Variants in ZSWIM6 observed in about 807,000 individuals in gnomAD.
ZSWIM6 encodes zinc finger SWIM domain-containing protein 6.
ZSWIM6 carries 9 observed loss-of-function variants against 113.2 expected under a neutral mutation model. That is an observed-to-expected ratio of 0.08 (90% CI 0.05 to 0.14). The LOEUF (loss-of-function observed/expected upper bound fraction) is 0.14, where lower values mean the gene tolerates loss of function less well. ZSWIM6 is among the 10% of genes least tolerant of loss of function. The probability of loss-of-function intolerance (pLI) is 1.00; values close to 1 mark genes in which losing one functional copy is unlikely to be tolerated. For missense variants in ZSWIM6, 1,162 were observed against 1,552.2 expected, an observed-to-expected ratio of 0.75 and a Z score of 4.22; for synonymous variants, 611 against 606.5, an observed-to-expected ratio of 1.01 and a Z score of -0.11.
intron 1 of ZSWIM6, among the ~76,000 whole-genome samples, chr5:61,444,407 T>TA (rs765312027): frequency 6.5e-4 from 99 of 152,126 alleles, no homozygotes; most frequent in Admixed American, 4.6e-4. Context: ...GCTATAAACA[T>TA]ACGTGTGCGT....
intron 1 of ZSWIM6, among the ~76,000 whole-genome samples, chr5:61,429,536 C>G (rs1056735640): frequency 3.3e-5 from 5 of 152,148 alleles, no homozygotes; most frequent in African/African-American, 1.2e-4. Flanking sequence ...ATAAATTCAG[C>G]TATGTACATA....
Position 61,472,344 on chromosome 5 carries a change from T to A in ZSWIM6, c.677-337T>A, listed in dbSNP as rs1397936684. ...CCACTGATCTAGGGGATTATTGTGT[T>A]GTATACCACTGATTCAGAGCAGAGT... On this transcript the variant is annotated intron_variant, in intron 1 of 13. Transcript: ENST00000252744. This position sits in a 1 kb window ranked among gnomAD's most constrained non-coding sequence, Gnocchi z 4.1. Among the ~76,000 whole-genome samples the A allele has an allele frequency of 2.0e-5, 3 of 152,168 alleles. 1 individual carries two copies. Among genetic ancestry groups the A allele is most frequent in the Admixed American group, 1.3e-4 (2 of 15,282 alleles).
At chr5:61,346,065 C>T (rs760262970) in intron 1 of ZSWIM6, among the ~76,000 whole-genome samples, 18 of 152,266 alleles carry the variant, frequency 1.2e-4, no homozygotes, top group Admixed American at 7.2e-4. Flanking sequence ...CTGCCTCAGC[C>T]TCCCGAGTAG....
intron 4 of ZSWIM6, among the ~76,000 whole-genome samples, chr5:61,512,684 T>C (rs78243469): frequency 2.5e-3 from 385 of 152,272 alleles, no homozygotes; most frequent in African/African-American, 8.8e-3. Flanking sequence ...ACGTATATAA[T>C]GGTATCTCAT....
chr5:61,372,831 A>G (rs940217456), intron 1 of ZSWIM6, among the ~76,000 whole-genome samples: 2 of 152,232 alleles, frequency 1.3e-5, no homozygotes, highest in African/African-American at 4.8e-5. Context: ...TGTTCAAGTC[A>G]GAAAATTAGC....
rs1160855790 is a variant in ZSWIM6, at chr5:61,356,710, AATAT to A, written c.676+23768_676+23771del. On this transcript the variant is annotated intron_variant, in intron 1 of 13. Transcript: ENST00000252744. ...TATAATATACATATTTTATATATAT[AATAT>A]ATATAACATAATATATAATATATAT... Among the ~76,000 whole-genome samples the A allele has an allele frequency of 2.5e-5, 3 of 121,012 alleles. No individual in the cohort carries two copies. The South Asian group carries it at 7.0e-4, about 28-fold the overall frequency. 79.4% of individuals were successfully genotyped at this position (121,012 alleles called of 152,430 possible).
intron 1 of ZSWIM6, among the ~76,000 whole-genome samples, chr5:61,403,200 A>G (rs926827336): frequency 3.3e-5 from 5 of 152,224 alleles, no homozygotes; most frequent in East Asian, 1.9e-4. Flanking sequence ...CTTTAAGACT[A>G]TCTTGAAACC....
Position 61,531,547 on chromosome 5 carries a change from G to T in ZSWIM6, c.2067G>T (p.Thr689=). 1.3e-6 allele frequency: 2 copies of T among 1,551,640 alleles called. No individual in the cohort carries two copies. Among genetic ancestry groups the T allele is most frequent in the Non-Finnish European group, 1.7e-6 (2 of 1,146,972 alleles). Residue 689 remains threonine (T), a synonymous_variant, in exon 9 of 14, where the codon ACG becomes ACT. Transcript: ENST00000252744. ...TAGAAGAAGGGGAATCCTATTTAAC[G>T]CTGGCTGTGGAAGTAGCCCTGATAG... ...KFLEEGESYL[T]LAVEVALIGL...
chr5:61,340,098 T>A (rs1744510802), intron 1 of ZSWIM6, among the ~76,000 whole-genome samples: 1 of 152,238 alleles, frequency 6.6e-6, no homozygotes, highest in African/African-American at 2.4e-5. Context: ...TCTAAGAATA[T>A]GCTTTGTACT....
chr5:61,426,655 G>A (rs1049753323), intron 1 of ZSWIM6, among the ~76,000 whole-genome samples: 20 of 151,078 alleles, frequency 1.3e-4, no homozygotes, highest in Admixed American at 1.3e-3. Flanking sequence ...ATCCAGTTAT[G>A]CATTTAGTTC....
At chr5:61,358,482 T>G (rs900020863) in intron 1 of ZSWIM6, among the ~76,000 whole-genome samples, 1 of 152,248 alleles carries the variant, frequency 6.6e-6, no homozygotes, top group Non-Finnish European at 1.5e-5. Context: ...TCCAGTTGAC[T>G]GTCTTAGAAT....
At chr5:61,503,810 C>T (rs1433789304) in intron 4 of ZSWIM6, among the ~76,000 whole-genome samples, 2 of 152,146 alleles carry the variant, frequency 1.3e-5, no homozygotes, top group Admixed American at 6.5e-5. Context: ...GTTTGGAAAC[C>T]ATTAACCACT....
intron 1 of ZSWIM6, among the ~76,000 whole-genome samples, chr5:61,365,702 A>T (rs1745134953): frequency 6.6e-6 from 1 of 152,178 alleles, no homozygotes; most frequent in South Asian, 2.1e-4. Flanking sequence ...AGGTTTGTCT[A>T]ATGGGCTCAT....
chr5:61,358,545 T>C (rs1744968833), intron 1 of ZSWIM6, among the ~76,000 whole-genome samples: 1 of 152,256 alleles, frequency 6.6e-6, no homozygotes, highest in Non-Finnish European at 1.5e-5. Context: ...CGAATACAAA[T>C]GAGTCTGGAA....
At chr5:61,454,428 A>C (rs926719371) in intron 1 of ZSWIM6, among the ~76,000 whole-genome samples, 1 of 151,296 alleles carries the variant, frequency 6.6e-6, no homozygotes, top group African/African-American at 2.4e-5. Context: ...ACTAATTTTT[A>C]AATTTTTTGT....
intron 1 of ZSWIM6, among the ~76,000 whole-genome samples, chr5:61,362,331 T>C (rs1745047815): frequency 6.6e-6 from 1 of 152,074 alleles, no homozygotes; most frequent in Admixed American, 6.5e-5. Context: ...CCTTAATAGC[T>C]GGAATTACGG....
intron 1 of ZSWIM6, among the ~76,000 whole-genome samples, chr5:61,435,196 G>A (rs1202440698): frequency 2.0e-5 from 3 of 152,074 alleles, no homozygotes; most frequent in African/African-American, 7.2e-5. Context: ...TTTTGTCTTT[G>A]GGGAGTACTA....
At chr5:61,464,494 A>G (rs991171666) in intron 1 of ZSWIM6, among the ~76,000 whole-genome samples, 13 of 152,272 alleles carry the variant, frequency 8.5e-5, no homozygotes, top group Non-Finnish European at 1.6e-4. Context: ...AAAGGGGAAT[A>G]TGATGCCTGC....
chr5:61,457,972 C>T lies in ZSWIM6; in HGVS notation c.677-14709C>T, dbSNP rs117469114. On this transcript the variant is annotated intron_variant, in intron 1 of 13. Transcript: ENST00000252744. Reference sequence around the variant, plus strand: ...TATGCCAGTTATTTCTCAAATTTCCCCCTCTTTAATTGCCATTAAAAATCT... The same window carrying T: ...TATGCCAGTTATTTCTCAAATTTCCTCCTCTTTAATTGCCATTAAAAATCT... Among the ~76,000 whole-genome samples, 59 of 152,218 alleles carry T rather than the reference C, an allele frequency of 3.9e-4. No homozygotes were observed. In the East Asian group the frequency reaches 8.3e-3, roughly 21 times the overall value.
Sources: allele counts gnomAD v4.1 joint callset (sites outside exome capture counted in the v4.1 genomes callset), GRCh38; gene constraint gnomAD v4.1.1; non-coding constraint Gnocchi (gnomAD v3.1); transcripts MANE v1.5; gene names NCBI Gene and HGNC (gene_info 2026-07-23, HGNC 2026-07-21).